ARFIP1: variants seen among roughly 807,000 people sequenced by gnomAD.
The protein encoded by ARFIP1 is ARF interacting protein 1.
ARFIP1 carries 24 observed loss-of-function variants against 42.5 expected under a neutral mutation model. That is an observed-to-expected ratio of 0.57 (90% confidence interval 0.41 to 0.80). The LOEUF is 0.80. Ranked by LOEUF, ARFIP1 falls within the 30% of genes least tolerant of loss-of-function variation. The pLI is 0.00. For missense variants in ARFIP1, 354 were observed against 434.0 expected (o/e 0.82, Z 1.64); for synonymous variants, 141 against 153.7 (o/e 0.92, Z 0.61).
At chr4:152,786,153 T>G (rs191356407) in intron 1 of ARFIP1, among the ~76,000 whole-genome samples, 141 of 152,328 alleles carry the variant, frequency 9.3e-4, no homozygotes, top group African/African-American at 3.3e-3. Context: ...TTCTTGGATA[T>G]TTGGGGATTA....
chr4:152,804,296 T>TATAATATATAACATAACATGTATTAC (rs1728765788), intron 1 of ARFIP1, among the ~76,000 whole-genome samples: 1 of 68,968 alleles, frequency 1.4e-5, no homozygotes, highest in Non-Finnish European at 2.5e-5. Context: ...ATGTATTATA[T>TATAATATATAACATAACATGTATTAC]ATATTATATA....
At chr4:152,803,986 TTATA>T (rs1008910451) in intron 1 of ARFIP1, among the ~76,000 whole-genome samples, 1 of 131,312 alleles carries the variant, frequency 7.6e-6, no homozygotes, top group Middle Eastern at 3.7e-3. Context: ...TATATATATT[TTATA>T]TATATAATAT....
At chr4:152,897,759 T>A (rs1737463943) in intron 8 of ARFIP1, among the ~76,000 whole-genome samples, 1 of 152,076 alleles carries the variant, frequency 6.6e-6, no homozygotes, top group Non-Finnish European at 1.5e-5. Context: ...TAAAGGTGAG[T>A]TTTTAAGTGA....
At chr4:152,875,735 A>G (rs1217847771) in intron 5 of ARFIP1, among the ~76,000 whole-genome samples, 1 of 145,360 alleles carries the variant, frequency 6.9e-6, no homozygotes, top group Admixed American at 6.9e-5. Context: ...TTTTGGCACT[A>G]CAGAAGAGCT....
At chr4:152,902,972 G>C (rs1737972899) in intron 8 of ARFIP1, among the ~76,000 whole-genome samples, 1 of 152,144 alleles carries the variant, frequency 6.6e-6, no homozygotes, top group Admixed American at 6.5e-5. Context: ...TATAGTAACA[G>C]CATGATTCTC....
intron 8 of ARFIP1, 24 bp downstream of exon 8, chr4:152,888,331 C>T: frequency 2.0e-6 from 3 of 1,516,818 alleles, no homozygotes; most frequent in Non-Finnish European, 2.7e-6. Context: ...CTTCTAAGGT[C>T]TTTCTGTGGA....
At chr4:152,849,362 G>C (rs1240351193) in intron 2 of ARFIP1, among the ~76,000 whole-genome samples, 1 of 152,170 alleles carries the variant, frequency 6.6e-6, no homozygotes, top group Non-Finnish European at 1.5e-5. Context: ...TATAATCTGA[G>C]AGTGTGTCGT....
At chr4:152,816,971 C>T (rs1450575642) in intron 1 of ARFIP1, among the ~76,000 whole-genome samples, 1 of 152,136 alleles carries the variant, frequency 6.6e-6, no homozygotes, top group Non-Finnish European at 1.5e-5. Context: ...ACATTGTTTC[C>T]CTCTTCATGC....
At chr4:152,786,939 G>A (rs1272367066) in intron 1 of ARFIP1, among the ~76,000 whole-genome samples, 2 of 152,156 alleles carry the variant, frequency 1.3e-5, no homozygotes, top group African/African-American at 4.8e-5. Context: ...CACCTCAGCT[G>A]AAGTTTTGCA....
intron 3 of ARFIP1, among the ~76,000 whole-genome samples, chr4:152,866,159 CAT>C (rs1734316464): frequency 1.3e-5 from 2 of 152,132 alleles, no homozygotes; most frequent in African/African-American, 4.8e-5. Flanking sequence ...GGACACAGCA[CAT>C]GTTTCAGAGA....
chr4:152,794,921 A>G (rs1451019221), intron 1 of ARFIP1, among the ~76,000 whole-genome samples: 1 of 152,088 alleles, frequency 6.6e-6, no homozygotes, highest in Non-Finnish European at 1.5e-5. Context: ...TGTTCTTTCA[A>G]CAAACCCCCA....
At chr4:152,809,863 C>CT (rs1159106400) in intron 1 of ARFIP1, 12 of 152,204 alleles carry the variant, frequency 7.9e-5, no homozygotes, top group Non-Finnish European at 1.8e-4. Context: ...TCTGTTAGCA[C>CT]TGGAGCAGTA....
intron 1 of ARFIP1, chr4:152,810,189 T>C (rs1729336914): frequency 6.6e-6 from 1 of 152,226 alleles, no homozygotes; most frequent in Non-Finnish European, 1.5e-5. Context: ...AAGATTCAGC[T>C]GTACAGAGTG....
Position 152,880,963 on chromosome 4 carries a change from T to C in ARFIP1, c.412T>C (p.Cys138Arg). Residue 138 changes from cysteine to arginine, a missense_variant and splice_region_variant, in exon 6 of 9, where the codon TGT (cysteine) becomes CGT (arginine). By Grantham distance (180) the Cys-to-Arg change is radical. Transcript: ENST00000353617. ...VRKWSLNTYK[C>R]TRQIISEKLG... ...AACAAAATGCATCTTCCACTTTTAG[T>C]GTACTCGACAGATTATCTCTGAGAA... The C allele has an allele frequency of 1.2e-6, 2 of 1,606,512 alleles. No homozygotes were observed. The highest frequency in any genetic ancestry group is 1.7e-6 in the Non-Finnish European group (2 of 1,176,166).
chr4:152,804,114 A>G (rs1476003648), intron 1 of ARFIP1, among the ~76,000 whole-genome samples: 1 of 123,018 alleles, frequency 8.1e-6, no homozygotes, highest in Non-Finnish European at 1.6e-5. Context: ...ATATAATATA[A>G]CATGTATTAT....
At chr4:152,901,328 C>A (rs1043436113) in intron 8 of ARFIP1, among the ~76,000 whole-genome samples, 20 of 152,184 alleles carry the variant, frequency 1.3e-4, no homozygotes, top group African/African-American at 4.3e-4. Flanking sequence ...TCGGTGTAGT[C>A]CACTTGGCAT....
intron 1 of ARFIP1, among the ~76,000 whole-genome samples, chr4:152,785,929 T>A (rs1005041807): frequency 1.3e-5 from 2 of 152,186 alleles, no homozygotes; most frequent in Non-Finnish European, 2.9e-5. Context: ...TTTAGAACAT[T>A]TCCAACAACA....
chr4:152,882,996 T>A (rs1352628748), intron 7 of ARFIP1, 116 bp downstream of exon 7: 4 of 1,104,388 alleles, frequency 3.6e-6, no homozygotes, highest in Non-Finnish European at 5.1e-6. Flanking sequence ...GAAAAAAATG[T>A]ACTGGAAAGT....
At chr4:152,804,991 C>A (rs1049024139) in intron 1 of ARFIP1, among the ~76,000 whole-genome samples, 2 of 152,132 alleles carry the variant, frequency 1.3e-5, no homozygotes, top group Admixed American at 6.5e-5. Flanking sequence ...GTTGTGAAGG[C>A]TGAATGAAAT....
Sources: allele counts gnomAD v4.1 joint callset (sites outside exome capture counted in the v4.1 genomes callset), GRCh38; gene constraint gnomAD v4.1.1; transcripts MANE v1.5; gene names NCBI Gene and HGNC (gene_info 2026-07-23, HGNC 2026-07-21).